The following ATRN variants were observed in gnomAD, a reference collection of about 807,000 sequenced individuals.
The protein encoded by ATRN is attractin, also known as attractin-2.
A neutral mutation model predicts 178.7 loss-of-function variants in ATRN; 54 were observed. The observed-to-expected ratio is 0.30, with a 90% CI of 0.24 to 0.38. The LOEUF (loss-of-function observed/expected upper bound fraction) is 0.38, where lower values mean the gene tolerates loss of function less well. Ranked by LOEUF, ATRN falls within the 10% of genes least tolerant of loss-of-function variation. The probability of loss-of-function intolerance (pLI) is 1.00; values close to 1 mark genes in which losing one functional copy is unlikely to be tolerated. For synonymous variants in ATRN, 636 were observed against 663.0 expected (o/e 0.96, Z 0.63); for missense variants, 1,443 against 1,815.1 (o/e 0.79, Z 3.73).
At chr20:3,607,151 A>G (rs1465133643) in intron 24 of ATRN, among the ~76,000 whole-genome samples, 1 of 152,238 alleles carries the variant, frequency 6.6e-6, no homozygotes, top group Non-Finnish European at 1.5e-5. Context: ...TATGAGGTAC[A>G]TGAGATATTT....
At chr20:3,566,405 A>G (rs1403598859) in intron 11 of ATRN, among the ~76,000 whole-genome samples, 2 of 152,200 alleles carry the variant, frequency 1.3e-5, no homozygotes, top group African/African-American at 4.8e-5. Context: ...TTAAGAAGTT[A>G]AACAGCCTAA....
intron 26 of ATRN, among the ~76,000 whole-genome samples, chr20:3,636,426 T>C (rs2087025610): frequency 6.6e-6 from 1 of 152,232 alleles, no homozygotes; most frequent in Non-Finnish European, 1.5e-5. Flanking sequence ...CGTCATTTAT[T>C]GAAACTCAAT....
At chr20:3,637,292 G>A (rs184217331) in intron 26 of ATRN, among the ~76,000 whole-genome samples, 13 of 152,238 alleles carry the variant, frequency 8.5e-5, no homozygotes, top group Admixed American at 2.6e-4. Flanking sequence ...TAGTAGTAGC[G>A]GCTGACGCTG....
intron 4 of ATRN, among the ~76,000 whole-genome samples, chr20:3,546,839 A>G (rs966148844): frequency 6.6e-6 from 1 of 152,176 alleles, no homozygotes; most frequent in Non-Finnish European, 1.5e-5. Flanking sequence ...GTACAGAGGA[A>G]TATGTACCAT....
chr20:3,510,245 C>T (rs1425010975), intron 1 of ATRN, among the ~76,000 whole-genome samples: 2 of 152,176 alleles, frequency 1.3e-5, no homozygotes, highest in Admixed American at 6.5e-5. Flanking sequence ...CATTTGATTG[C>T]CACACTTTAA....
intron 24 of ATRN, among the ~76,000 whole-genome samples, chr20:3,618,307 A>C (rs75141958): frequency 6.6e-6 from 1 of 152,138 alleles, no homozygotes; most frequent in Non-Finnish European, 1.5e-5. Context: ...CCTAAAATGG[A>C]TAGATCAGGA....
intron 1 of ATRN, among the ~76,000 whole-genome samples, chr20:3,476,956 G>GC (rs1281735981): frequency 6.6e-6 from 1 of 152,258 alleles, no homozygotes; most frequent in East Asian, 1.9e-4. Flanking sequence ...TCAACCTCAA[G>GC]CCCTAAATTT....
In ATRN at chr20:3,535,391, A is replaced by G. The variant is rs2085515116; in HGVS notation, c.494+55A>G. On this transcript the variant is annotated intron_variant, in intron 2 of 28. Coordinates refer to ENST00000262919, the MANE Select transcript of ATRN (RefSeq NM_139321.3). ...TTTTTTTAGCATAGAAGTCAGTGTG[A>G]CATTAGTTTTCCCACAAGTAAAATT... is the stretch of plus-strand genomic sequence containing the variant. 9.4e-6 allele frequency: 9 copies of G among 960,574 alleles called. No homozygotes were observed. The Middle Eastern group carries it at 6.9e-4, about 74-fold the overall frequency. The allele number at this position is 960,574 out of a possible 1,614,324, so 59.5% of individuals were successfully genotyped here.
rs143152124 is a variant in ATRN, at chr20:3,561,111, A to C, written c.1447+206A>C. Among the ~76,000 whole-genome samples the C allele has an allele frequency of 9.7e-3, 1,484 of 152,244 alleles. 29 individuals carry two copies. The highest frequency in any genetic ancestry group is 0.034 in the African/African-American group (1,421 of 41,548). On this transcript the variant is annotated intron_variant, in intron 8 of 28. Transcript: ENST00000262919. ...TGAGGCGGGCGGATCACCTAAGGTCAGGAGTTCAAGACCAGCCTGGCACCA... is the reference window on the plus strand; with the variant it reads ...TGAGGCGGGCGGATCACCTAAGGTCCGGAGTTCAAGACCAGCCTGGCACCA...
At chr20:3,614,901 A>G (rs1024327578) in intron 24 of ATRN, among the ~76,000 whole-genome samples, 3 of 152,116 alleles carry the variant, frequency 2.0e-5, no homozygotes, top group South Asian at 4.2e-4. Context: ...CTCACTTAGC[A>G]TACTGTTTTC....
At chr20:3,526,236 A>G (rs2085362699) in intron 1 of ATRN, among the ~76,000 whole-genome samples, 2 of 152,224 alleles carry the variant, frequency 1.3e-5, no homozygotes, top group Admixed American at 6.5e-5. Flanking sequence ...AAAAATCACA[A>G]GCATTCCTAT....
chr20:3,647,015 TC>T lies in ATRN; in HGVS notation c.*171del. The T allele has an allele frequency of 1.1e-6, 1 of 896,046 alleles. No individual in the cohort carries two copies. The highest frequency in any genetic ancestry group is 1.6e-6 in the Non-Finnish European group (1 of 627,192). 55.5% of individuals were successfully genotyped at this position (896,046 alleles called of 1,614,324 possible). ...ATCACAAGCTTTCTTTGACGGTTTC[TC>T]CCATCCGTGTTCCAGCATCTAACCT... is the stretch of plus-strand genomic sequence containing the variant. On this transcript the variant is annotated 3_prime_UTR_variant, in exon 29 of 29. Transcript: ENST00000262919.
chr20:3,518,981 G>C (rs1327379722), intron 1 of ATRN, among the ~76,000 whole-genome samples: 5 of 137,630 alleles, frequency 3.6e-5, no homozygotes, highest in African/African-American at 1.4e-4. Context: ...CTGATAAATA[G>C]TGCTTCAATA....
At chr20:3,565,080 A>G (rs1046849990) in intron 10 of ATRN, among the ~76,000 whole-genome samples, 1 of 152,104 alleles carries the variant, frequency 6.6e-6, no homozygotes, top group East Asian at 1.9e-4. Context: ...TAGTGCATCA[A>G]ACTGATAGGC....
chr20:3,563,462 C>T, intron 10 of ATRN, 99 bp downstream of exon 10: 2 of 1,278,824 alleles, frequency 1.6e-6, no homozygotes, highest in Non-Finnish European at 2.2e-6. Context: ...TCAAAATGAT[C>T]AGGCCATTTG....
At chr20:3,525,829 G>A (rs2085356761) in intron 1 of ATRN, among the ~76,000 whole-genome samples, 2 of 152,102 alleles carry the variant, frequency 1.3e-5, no homozygotes, top group South Asian at 4.1e-4. Context: ...ATGCAGAAAA[G>A]GCCTTCAATA....
At chr20:3,573,758 T>TTTTA (rs34471940) in intron 12 of ATRN, among the ~76,000 whole-genome samples, 66 of 149,704 alleles carry the variant, frequency 4.4e-4, no homozygotes, top group Non-Finnish European at 5.6e-4. Context: ...TTTTATTTTA[T>TTTTA]TTTATTTATT....
intron 1 of ATRN, among the ~76,000 whole-genome samples, chr20:3,534,535 C>G (rs1886444928): frequency 6.6e-6 from 1 of 152,070 alleles, no homozygotes; most frequent in Admixed American, 6.5e-5. Flanking sequence ...TGGGAGATGA[C>G]TCAGAAGGTA....
intron 1 of ATRN, among the ~76,000 whole-genome samples, chr20:3,481,383 C>T (rs1012808592): frequency 6.6e-6 from 1 of 152,158 alleles, no homozygotes; most frequent in Non-Finnish European, 1.5e-5. Context: ...CCCTGTCACC[C>T]GTGCTGAAGT....
Sources: gnomAD v4.1 joint callset for allele counts (sites outside exome capture counted in the v4.1 genomes callset) on GRCh38, gnomAD v4.1.1 for gene constraint, MANE v1.5 for transcripts, NCBI Gene and HGNC (gene_info 2026-07-23, HGNC 2026-07-21) for gene names.